PNLDC1: variants seen among roughly 807,000 people sequenced by gnomAD.
PNLDC1 encodes PARN like ribonuclease domain containing exonuclease 1.
In PNLDC1, 70 loss-of-function variants were observed where a neutral mutation model predicts 82.0. The observed-to-expected ratio is 0.85, with a 90% CI of 0.70 to 1.04. PNLDC1 has a LOEUF of 1.04. PNLDC1 is among the 50% of genes least tolerant of loss of function. The probability of loss-of-function intolerance (pLI) is 0.00; values close to 1 mark genes in which losing one functional copy is unlikely to be tolerated. For missense variants in PNLDC1, 631 were observed against 661.1 expected (o/e 0.95, Z 0.50); for synonymous variants, 280 against 249.3 (o/e 1.12, Z -1.16).
At chr6:159,808,945 A>T in intron 8 of PNLDC1, 70 bp from the exon 9 acceptor site, 3 of 1,592,978 alleles carry the variant, frequency 1.9e-6, no homozygotes, top group Non-Finnish European at 2.6e-6. Context: ...TTGTTTAGAG[A>T]TGCAGAGCCA....
At chr6:159,810,789 G>A (rs548658900) in intron 10 of PNLDC1, among the ~76,000 whole-genome samples, 2 of 152,342 alleles carry the variant, frequency 1.3e-5, no homozygotes, top group African/African-American at 4.8e-5. Context: ...TCTAGATTAC[G>A]AGGGGTAAGA....
intron 7 of PNLDC1, 124 bp from the exon 8 acceptor site, chr6:159,808,616 C>G (rs181461279): frequency 1.2e-6 from 1 of 841,648 alleles, no homozygotes; most frequent in East Asian, 2.7e-5. Context: ...TGGGCTTGGG[C>G]ACCCTTCAAG....
intron 9 of PNLDC1, 55 bp from the exon 10 acceptor site, chr6:159,809,971 A>G: frequency 1.4e-6 from 2 of 1,398,900 alleles, no homozygotes; most frequent in East Asian, 2.3e-5. Flanking sequence ...GTTAGTCTGT[A>G]GTGTCTGGAT....
At chr6:159,811,920 G>A in intron 11 of PNLDC1, 134 bp downstream of exon 11, 1 of 700,198 alleles carries the variant, frequency 1.4e-6, no homozygotes, top group South Asian at 1.9e-5. Flanking sequence ...TTTTGTTTGA[G>A]AGGGAGTCTT....
At chr6:159,812,047 G>A (rs904722264) in intron 11 of PNLDC1, among the ~76,000 whole-genome samples, 1 of 151,864 alleles carries the variant, frequency 6.6e-6, no homozygotes, top group Non-Finnish European at 1.5e-5. Flanking sequence ...TTACAGGTGC[G>A]CACCACCATG....
chr6:159,800,997 G>C, intron 2 of PNLDC1, 116 bp from the exon 3 acceptor site: 1 of 1,457,638 alleles, frequency 6.9e-7, no homozygotes, highest in South Asian at 1.1e-5. Context: ...GTGCTCCCTA[G>C]TTGTTGTAAC....
chr6:159,819,082 C>A lies in PNLDC1; in HGVS notation c.1394C>A (p.Thr465Lys), dbSNP rs764448557. 1.9e-6 allele frequency: 3 copies of A among 1,614,050 alleles called. No homozygotes were observed. The highest frequency in any genetic ancestry group is 2.5e-6 in the Non-Finnish European group (3 of 1,180,012). ...NLCKFDVRRL[T>K]RSQFLLLTNK... ...TGCAAGTTTGATGTCAGGCGACTCA[C>A]AAGAAGCCAGTTCTTACTCCTGACC... The change falls in exon 17 of 19, where the codon ACA becomes AAA. Residue 465 changes from threonine to lysine, a missense_variant. Physicochemically the swap from Thr to Lys is moderately conservative, Grantham distance 78. Transcript: ENST00000392167. The surrounding 1 kb of genome is among the most constrained non-coding windows in gnomAD (Gnocchi z 4.6).
At chr6:159,803,359 C>G in intron 4 of PNLDC1, 49 bp downstream of exon 4, 1 of 1,546,132 alleles carries the variant, frequency 6.5e-7, no homozygotes, top group Non-Finnish European at 8.9e-7. Context: ...ACCTATGTTC[C>G]ACAGCTGCCA....
At chr6:159,809,793 G>A (rs1349006835) in intron 9 of PNLDC1, among the ~76,000 whole-genome samples, 1 of 152,106 alleles carries the variant, frequency 6.6e-6, no homozygotes, top group Non-Finnish European at 1.5e-5. Flanking sequence ...GGTTTCCAGC[G>A]CAGACCCTGC....
At position 159,803,427 on chromosome 6, in the gene PNLDC1, C is replaced by T. The variant is rs1781333993; in HGVS notation, c.248+117C>T. On this transcript the variant is annotated intron_variant, in intron 4 of 18. Coordinates refer to ENST00000392167, the MANE Select transcript of PNLDC1 (RefSeq NM_001271862.2). ...TTTTGCCCTGGATCTTCCGTATTCT[C>T]TCCTGTGTCTGTTCCTCCACTCACT... is the stretch of plus-strand genomic sequence containing the variant. The T allele has an allele frequency of 4.6e-6, 4 of 877,656 alleles. No homozygotes were observed. In the African/African-American group the frequency reaches 5.0e-5, roughly 11 times the overall value. 54.4% of individuals were successfully genotyped at this position (877,656 alleles called of 1,614,324 possible).
At chr6:159,812,765 T>C (rs1583177869) in intron 11 of PNLDC1, among the ~76,000 whole-genome samples, 1 of 152,212 alleles carries the variant, frequency 6.6e-6, no homozygotes. Flanking sequence ...CTCACACCTG[T>C]AATCCCAGCA....
chr6:159,800,284 GC>G lies in PNLDC1; in HGVS notation c.-23del. On this transcript the variant is annotated 5_prime_UTR_variant, in exon 1 of 19. Coordinates refer to ENST00000392167, the MANE Select transcript of PNLDC1 (RefSeq NM_001271862.2). ...CGTGGGCAGCACGTGATAGCGCTGG[GC>G]GACTCCGCGGAGCTGCACGGCCATG... The G allele has an allele frequency of 6.5e-7, 1 of 1,540,298 alleles. No individual in the cohort carries two copies. The highest frequency in any genetic ancestry group is 2.5e-5 in the East Asian group (1 of 40,594).
chr6:159,806,632 A>G (rs1781457273), intron 7 of PNLDC1, among the ~76,000 whole-genome samples: 2 of 152,246 alleles, frequency 1.3e-5, no homozygotes, highest in African/African-American at 4.8e-5. Context: ...CAGGAGCATC[A>G]TACCGTGTTC....
chr6:159,807,309 A>G (rs1781483794), intron 7 of PNLDC1, among the ~76,000 whole-genome samples: 1 of 152,152 alleles, frequency 6.6e-6, no homozygotes, highest in African/African-American at 2.4e-5. Context: ...CATGCTTGTA[A>G]TCCCAGCATT....
Position 159,804,633 on chromosome 6 carries a change from C to T in PNLDC1, c.457C>T (p.Arg153Cys), listed in dbSNP as rs769175302. The stretch of plus-strand genomic sequence containing the variant: ...TATCCTGACTGGGAACTGGAGAGTT[C>T]GCAGGTATGGCCTGTTTCTCCAGGT... ...HDILTGNWRV[R>C]SSPDKDQIKV... Residue 153 changes from arginine (R) to cysteine (C), a missense_variant, in exon 6 of 19, where the codon CGC (arginine) becomes TGC (cysteine). Arg to Cys is a radical substitution (Grantham distance 180). Transcript: ENST00000392167. 17 of 1,601,148 alleles carry T rather than the reference C, an allele frequency of 1.1e-5. No individual in the cohort carries two copies. The highest frequency in any genetic ancestry group is 1.7e-5 in the Admixed American group (1 of 59,920).
intron 3 of PNLDC1, among the ~76,000 whole-genome samples, chr6:159,802,487 GTTTT>G (rs989252077): frequency 1.3e-5 from 2 of 148,796 alleles, no homozygotes; most frequent in Non-Finnish European, 3.0e-5. Context: ...TTCTGTTATG[GTTTT>G]TTTTTTGTTC....
intron 5 of PNLDC1, among the ~76,000 whole-genome samples, chr6:159,804,341 C>G (rs1312125532): frequency 6.6e-6 from 1 of 152,162 alleles, no homozygotes; most frequent in South Asian, 2.1e-4. Flanking sequence ...TAGCCTCAGG[C>G]AATCCACCTG....
chr6:159,812,370 G>A (rs1183610861), intron 11 of PNLDC1, among the ~76,000 whole-genome samples: 5 of 152,054 alleles, frequency 3.3e-5, no homozygotes, highest in East Asian at 1.9e-4. Context: ...TAGAGTTTTT[G>A]TGCTTATTTA....
At position 159,803,867 on chromosome 6, in the gene PNLDC1, T is replaced by C. The variant is rs543278544; in HGVS notation, c.249-98T>C. 631 of 1,331,192 alleles carry C rather than the reference T, an allele frequency of 4.7e-4. 12 individuals carry two copies. In the South Asian group the frequency reaches 8.5e-3, roughly 18 times the overall value. The allele number at this position is 1,331,192 out of a possible 1,614,324, so 82.5% of individuals were successfully genotyped here. On this transcript the variant is annotated intron_variant, in intron 4 of 18. Transcript: ENST00000392167. ...AGACACTCGGGCACACTCAGATTCTTCTTGCCTAAAAGAAAGAGCCCACCC... is the reference window on the plus strand; with the variant it reads ...AGACACTCGGGCACACTCAGATTCTCCTTGCCTAAAAGAAAGAGCCCACCC...
Sources: gnomAD v4.1 joint callset for allele counts (sites outside exome capture counted in the v4.1 genomes callset) on GRCh38, gnomAD v4.1.1 for gene constraint, Gnocchi (gnomAD v3.1) non-coding constraint, MANE v1.5 for transcripts, NCBI Gene and HGNC (gene_info 2026-07-23, HGNC 2026-07-21) for gene names.